Variants in GABRG2 observed in about 807,000 individuals in gnomAD.
GABRG2 encodes gamma-aminobutyric acid receptor subunit gamma-2.
A neutral mutation model predicts 56.4 loss-of-function variants in GABRG2; 16 were observed. That is an observed-to-expected ratio of 0.28 (90% CI 0.19 to 0.43). The LOEUF (loss-of-function observed/expected upper bound fraction) is 0.43, where lower values mean the gene tolerates loss of function less well. Among genes scored for constraint, GABRG2 ranks in the 20% least tolerant of loss-of-function variants. The pLI is 1.00. For missense variants in GABRG2, 327 were observed against 582.7 expected (o/e 0.56, Z 4.52); for synonymous variants, 208 against 205.5 (o/e 1.01, Z -0.10).
intron 6 of GABRG2, among the ~76,000 whole-genome samples, chr5:162,122,735 A>G: frequency 6.6e-6 from 1 of 151,772 alleles, no homozygotes; most frequent in East Asian, 1.9e-4. Context: ...CAGTAAATAT[A>G]TTTAAACATT....
In GABRG2 at chr5:162,126,372, T is replaced by C. The variant is rs151311513; in HGVS notation, c.770-15792T>C. ...GTTCCACCCACCAGTGGGTCCCTGA[T>C]AAATGGAAAAGCCTATGGAAATCAT... is the stretch of plus-strand genomic sequence containing the variant. On this transcript the variant is annotated intron_variant, in intron 6 of 9. Coordinates refer to ENST00000639213, the MANE Select transcript of GABRG2 (RefSeq NM_198904.4). 8.5e-4 allele frequency among the ~76,000 whole-genome samples: 130 copies of C among 152,112 alleles called. 1 individual carries two copies. In the East Asian group the frequency reaches 0.02, roughly 24 times the overall value.
intron 1 of GABRG2, among the ~76,000 whole-genome samples, chr5:162,071,836 CT>C (rs1406854051): frequency 6.6e-6 from 1 of 151,624 alleles, no homozygotes; most frequent in African/African-American, 2.4e-5. Flanking sequence ...ATAGTCTATC[CT>C]GAGGTAGACT....
At chr5:162,147,518 C>T (rs183941189) in intron 7 of GABRG2, among the ~76,000 whole-genome samples, 12 of 152,192 alleles carry the variant, frequency 7.9e-5, no homozygotes, top group Admixed American at 2.6e-4. Flanking sequence ...GCACCCACCA[C>T]CAAGCCCAGC....
intron 6 of GABRG2, among the ~76,000 whole-genome samples, chr5:162,133,802 G>T (rs1050359698): frequency 5.3e-5 from 8 of 152,080 alleles, no homozygotes; most frequent in African/African-American, 1.9e-4. Flanking sequence ...CAAAGACCTA[G>T]CTCCATGAAC....
chr5:162,113,759 A>G (rs1219016292), intron 6 of GABRG2, among the ~76,000 whole-genome samples: 1 of 152,234 alleles, frequency 6.6e-6, no homozygotes, highest in East Asian at 1.9e-4. Context: ...ACAATGTGTA[A>G]TTCACAAACT....
At chr5:162,128,948 A>G (rs1370730992) in intron 6 of GABRG2, among the ~76,000 whole-genome samples, 1 of 152,012 alleles carries the variant, frequency 6.6e-6, no homozygotes, top group African/African-American at 2.4e-5. Context: ...AGTCGCAGTT[A>G]CAGCTGGATT....
chr5:162,140,567 A>G (rs1407352716), intron 6 of GABRG2, among the ~76,000 whole-genome samples: 1 of 152,214 alleles, frequency 6.6e-6, no homozygotes, highest in Non-Finnish European at 1.5e-5. Context: ...AAATCAGCCA[A>G]GTAAGTAGGG....
intron 8 of GABRG2, chr5:162,149,595 T>A: frequency 1.3e-6 from 1 of 743,348 alleles, no homozygotes. Flanking sequence ...TGTGACCTTC[T>A]TCTTGTTGCT....
chr5:162,134,250 C>T (rs1190539595), intron 6 of GABRG2, among the ~76,000 whole-genome samples: 1 of 152,184 alleles, frequency 6.6e-6, no homozygotes, highest in East Asian at 1.9e-4. Context: ...CTTTGATGAA[C>T]GTCAACTGCT....
chr5:162,124,203 T>G (rs972105176), intron 6 of GABRG2, among the ~76,000 whole-genome samples: 1 of 152,014 alleles, frequency 6.6e-6, no homozygotes, highest in South Asian at 2.1e-4. Context: ...CCAAGTGTTT[T>G]CAAGTGATTG....
At chr5:162,141,303 C>T (rs1764549790) in intron 6 of GABRG2, among the ~76,000 whole-genome samples, 2 of 152,180 alleles carry the variant, frequency 1.3e-5, no homozygotes. Context: ...TCCCAAAGTG[C>T]TGGGATTACA....
chr5:162,091,979 T>G (rs1183554011), intron 1 of GABRG2, among the ~76,000 whole-genome samples: 26 of 152,126 alleles, frequency 1.7e-4, no homozygotes, highest in Admixed American at 1.6e-3. Context: ...CCGTAATATA[T>G]TCTATTATGG....
intron 6 of GABRG2, among the ~76,000 whole-genome samples, chr5:162,121,151 G>A (rs1473658438): frequency 6.6e-6 from 1 of 152,084 alleles, no homozygotes; most frequent in Non-Finnish European, 1.5e-5. Context: ...AGATGCTCGT[G>A]AGTCATTCCA....
chr5:162,085,960 T>G (rs559719719), intron 1 of GABRG2, among the ~76,000 whole-genome samples: 5 of 150,004 alleles, frequency 3.3e-5, no homozygotes, highest in African/African-American at 1.2e-4. Context: ...CGTACCACAT[T>G]TTTTTTTTTA....
intron 6 of GABRG2, among the ~76,000 whole-genome samples, chr5:162,123,151 A>G (rs1164401033): frequency 6.6e-6 from 1 of 151,736 alleles, no homozygotes; most frequent in African/African-American, 2.4e-5. Context: ...TTCTATAAAG[A>G]GTTAACTAAT....
chr5:162,140,978 G>A (rs960297680), intron 6 of GABRG2, among the ~76,000 whole-genome samples: 1 of 152,038 alleles, frequency 6.6e-6, no homozygotes, highest in Non-Finnish European at 1.5e-5. Context: ...TATTCTTTTA[G>A]TAGTGTTTCT....
chr5:162,135,864 C>T (rs1017960340), intron 6 of GABRG2, among the ~76,000 whole-genome samples: 4 of 151,522 alleles, frequency 2.6e-5, no homozygotes, highest in South Asian at 2.1e-4. Flanking sequence ...AATATGAGTC[C>T]GGGAATATAG....
At chr5:162,129,696 T>C (rs911899807) in intron 6 of GABRG2, among the ~76,000 whole-genome samples, 1 of 151,876 alleles carries the variant, frequency 6.6e-6, no homozygotes, top group African/African-American at 2.4e-5. Context: ...AAGGTCAAAC[T>C]AAGAAATAAC....
chr5:162,105,432 C>CTTTTTTTTTTTTTTT (rs533258756), intron 6 of GABRG2, among the ~76,000 whole-genome samples: 19 of 104,132 alleles, frequency 1.8e-4, no homozygotes, highest in East Asian at 3.0e-4. Flanking sequence ...GTAGAACAAT[C>CTTTTTTTTTTTTTTT]TTTTTTTTTT....
Sources: allele counts gnomAD v4.1 joint callset (sites outside exome capture counted in the v4.1 genomes callset), GRCh38; gene constraint gnomAD v4.1.1; transcripts MANE v1.5; gene names NCBI Gene and HGNC (gene_info 2026-07-23, HGNC 2026-07-21).